FAM131C: variants seen among roughly 807,000 people sequenced by gnomAD.
The protein encoded by FAM131C is family with sequence similarity 131 member C.
In FAM131C, 14 loss-of-function variants were observed where a neutral mutation model predicts 29.8. That is an observed-to-expected ratio of 0.47 (90% CI 0.31 to 0.73). FAM131C has a LOEUF of 0.73. FAM131C is among the 30% of genes least tolerant of loss of function. The probability of loss-of-function intolerance (pLI) is 0.05; values close to 1 mark genes in which losing one functional copy is unlikely to be tolerated. For missense variants in FAM131C, 252 were observed against 383.8 expected, an observed-to-expected ratio of 0.66 and a Z score of 2.87; for synonymous variants, 86 against 157.8, an observed-to-expected ratio of 0.54 and a Z score of 3.41.
chr1:16,068,316 G>T (rs554362299), intron 1 of FAM131C, among the ~76,000 whole-genome samples: 61 of 152,352 alleles, frequency 4.0e-4, no homozygotes, highest in African/African-American at 1.5e-3. Context: ...ATTCTCATCT[G>T]TGAAATAATA....
At chr1:16,066,469 C>A (rs769271251) in intron 1 of FAM131C, among the ~76,000 whole-genome samples, 2 of 152,236 alleles carry the variant, frequency 1.3e-5, no homozygotes, top group South Asian at 4.1e-4. Flanking sequence ...TGCTGTGTGA[C>A]CCTGAGCTAG....
At position 16,073,403 on chromosome 1, in the gene FAM131C, C is replaced by G; in HGVS notation, c.22+18G>C. Reference sequence around the variant, plus strand: ...TCCCCGGCACCCGATCCCCCCGCCCCCGGCCGGGCCCCCTCACCTCGCGAC... The same window carrying G: ...TCCCCGGCACCCGATCCCCCCGCCCGCGGCCGGGCCCCCTCACCTCGCGAC... On this transcript the variant is annotated intron_variant, in intron 1 of 6. Transcript: ENST00000375662. 8.3e-7 allele frequency: 1 copy of G among 1,207,490 alleles called. No homozygotes were observed. Among genetic ancestry groups the G allele is most frequent in the Non-Finnish European group, 1.0e-6 (1 of 970,324 alleles). The allele number at this position is 1,207,490 out of a possible 1,614,324, so 74.8% of individuals were successfully genotyped here. A position where few individuals can be genotyped will look rare whatever the true frequency, so the allele number is the denominator to read the frequency against.
At chr1:16,066,814 A>C (rs1182473610) in intron 1 of FAM131C, among the ~76,000 whole-genome samples, 3 of 152,214 alleles carry the variant, frequency 2.0e-5, no homozygotes, top group Admixed American at 2.0e-4. Flanking sequence ...CAGTCAAAAA[A>C]GTTTGCAAGT....
chr1:16,063,535 A>G lies in FAM131C; in HGVS notation c.124T>C (p.Cys42Arg), dbSNP rs747298448. Residue 42 changes from cysteine to arginine, a missense_variant, in exon 2 of 7, where the codon TGT becomes CGT. Physicochemically the swap from Cys to Arg is radical, Grantham distance 180. Around this residue, in one of 6 missense-constraint regions of FAM131C, gnomAD observed 76 missense variants for 62.8 expected, o/e 1.21. Coordinates refer to ENST00000375662, the MANE Select transcript of FAM131C (RefSeq NM_182623.3). ...CAGCCAGTTACCTTGCCAATGACAC[A>G]GTCTGGAGCCACGGTGGGAGTGCGG... ...SGRTPTVAPD[C>R]VIGKDKQMDF... The G allele has an allele frequency of 5.0e-6, 8 of 1,613,560 alleles. No homozygotes were observed. The highest frequency in any genetic ancestry group is 2.2e-5 in the East Asian group (1 of 44,884).
intron 2 of FAM131C, among the ~76,000 whole-genome samples, chr1:16,063,149 AAT>A (rs900071307): frequency 4.2e-5 from 6 of 143,854 alleles, no homozygotes; most frequent in African/African-American, 8.1e-5. Context: ...AATTATATAT[AAT>A]ATATATAAGT....
intron 4 of FAM131C, 61 bp downstream of exon 4, chr1:16,062,038 C>A (rs1270201126): frequency 1.4e-5 from 22 of 1,531,816 alleles, no homozygotes; most frequent in African/African-American, 4.0e-5. Flanking sequence ...CTTCCCACAG[C>A]CAGGGTCTAG....
intron 1 of FAM131C, among the ~76,000 whole-genome samples, chr1:16,069,261 T>G (rs2023720677): frequency 6.6e-6 from 1 of 152,088 alleles, no homozygotes; most frequent in African/African-American, 2.4e-5. Context: ...GCCTCCCCCA[T>G]TAGGCTACTC....
intron 1 of FAM131C, among the ~76,000 whole-genome samples, chr1:16,069,372 T>G (rs930671891): frequency 2.6e-5 from 4 of 152,208 alleles, no homozygotes; most frequent in African/African-American, 9.7e-5. Flanking sequence ...GCTCAGGACT[T>G]GGAAACTATG....
In FAM131C at chr1:16,058,506, G is replaced by C. The variant is rs867260430; in HGVS notation, c.774C>G (p.His258Gln). The change falls in exon 7 of 7, where the codon CAC becomes CAG. Residue 258 changes from histidine (H) to glutamine (Q), a missense_variant. Physicochemically the swap from His to Gln is conservative, Grantham distance 24 (BLOSUM62 0). Around this residue, in one of 6 missense-constraint regions of FAM131C, gnomAD observed 42 missense variants for 51.7 expected, o/e 0.81. Coordinates refer to ENST00000375662, the MANE Select transcript of FAM131C (RefSeq NM_182623.3). ...CCATGGAGGGGAGGGAGCCCGGGGG[G>C]TGGGTCCCACCCTCGGGTCCTTGGG... ...PGAQGPEGGT[H>Q]PPGSLPSMDS... The C allele has an allele frequency of 4.6e-6, 7 of 1,513,154 alleles. No homozygotes were observed. The highest frequency in any genetic ancestry group is 4.9e-5 in the East Asian group (2 of 40,782). The allele number at this position is 1,513,154 out of a possible 1,614,324, so 93.7% of individuals were successfully genotyped here.
At chr1:16,073,277 C>G in intron 1 of FAM131C, 144 bp downstream of exon 1, 1 of 387,518 alleles carries the variant, frequency 2.6e-6, no homozygotes, top group Non-Finnish European at 4.3e-6. Flanking sequence ...CTAGCTCTGT[C>G]CCCCTCAGGA....
rs370456623 is a variant in FAM131C at position 16,059,232 on chromosome 1, T to C, written c.562+262A>G. On this transcript the variant is annotated intron_variant, in intron 6 of 6. Transcript: ENST00000375662. ...CCACTCCCTAGGGCTGCTGTGAGGA[T>C]TCTGTGAGGTGCCTCGTGCACAGCC... Among the ~76,000 whole-genome samples, 634 of 80,136 alleles carry C rather than the reference T, an allele frequency of 7.9e-3. 2 individuals carry two copies. The highest frequency in any genetic ancestry group is 0.074 in the Middle Eastern group (9 of 122). 52.6% of individuals were successfully genotyped at this position (80,136 alleles called of 152,430 possible).
chr1:16,071,459 G>A (rs543839246), intron 1 of FAM131C, among the ~76,000 whole-genome samples: 18 of 152,270 alleles, frequency 1.2e-4, no homozygotes, highest in African/African-American at 3.6e-4. Context: ...GTATGCACTC[G>A]GAGAGCATCA....
Position 16,059,874 on chromosome 1 carries a change from G to A in FAM131C, c.446C>T (p.Ala149Val). Residue 149 changes from alanine (A) to valine (V), a missense_variant, in exon 5 of 7, where the codon GCT (alanine) becomes GTT (valine). Physicochemically the swap from Ala to Val is moderately conservative, Grantham distance 64. Transcript: ENST00000375662. ...LPDELREARF[A>V]AGVAEQFAIT... ...CAGTCCCCCTCCTCGCTGACCTGCA[G>A]CAAAGCGGGCCTCACGCAGCTCATC... The A allele has an allele frequency of 1.6e-6, 2 of 1,212,380 alleles. No individual in the cohort carries two copies. The highest frequency in any genetic ancestry group is 2.1e-6 in the Non-Finnish European group (2 of 953,536). 75.1% of individuals were successfully genotyped at this position (1,212,380 alleles called of 1,614,324 possible).
intron 2 of FAM131C, 110 bp downstream of exon 2, chr1:16,063,411 C>T (rs1289670563): frequency 1.8e-5 from 15 of 833,618 alleles, no homozygotes; most frequent in South Asian, 5.9e-5. Context: ...CAGGGAGAAG[C>T]GGGTTTGGCA....
chr1:16,060,569 G>C (rs1395362775), intron 4 of FAM131C, among the ~76,000 whole-genome samples: 3 of 151,582 alleles, frequency 2.0e-5, no homozygotes, highest in Middle Eastern at 3.2e-3. Flanking sequence ...AAGGCTTCCT[G>C]GAAGAGGGGA....
At chr1:16,068,130 A>G (rs1010127564) in intron 1 of FAM131C, among the ~76,000 whole-genome samples, 7 of 152,328 alleles carry the variant, frequency 4.6e-5, no homozygotes, top group Admixed American at 3.3e-4. Context: ...CCTCTAGCCA[A>G]CCATTGCCCG....
chr1:16,066,619 AAATAGAATGG>A (rs2124132538), intron 1 of FAM131C, among the ~76,000 whole-genome samples: 1 of 152,320 alleles, frequency 6.6e-6, no homozygotes, highest in South Asian at 2.1e-4. Flanking sequence ...TATTTTAATG[AAATAGAATGG>A]AATAGAATGG....
chr1:16,073,161 C>A (rs2023774430), intron 1 of FAM131C, among the ~76,000 whole-genome samples: 1 of 152,070 alleles, frequency 6.6e-6, no homozygotes, highest in African/African-American at 2.4e-5. Flanking sequence ...GAGCGCGGCA[C>A]GGCACGGGAC....
chr1:16,073,594 G>A lies in FAM131C; in HGVS notation c.-152C>T, dbSNP rs1371731899. 2 of 265,238 alleles carry A rather than the reference G, an allele frequency of 7.5e-6. No homozygotes were observed. Among genetic ancestry groups the A allele is most frequent in the African/African-American group, 4.6e-5 (2 of 43,910 alleles). 16.4% of individuals were successfully genotyped at this position (265,238 alleles called of 1,614,324 possible). Reference sequence around the variant, plus strand: ...CTCAGCTCGGCCTCAGCTCCAGCCTGGGTCGTCCCTGCTGCCGCCGCGCCC... The same window carrying A: ...CTCAGCTCGGCCTCAGCTCCAGCCTAGGTCGTCCCTGCTGCCGCCGCGCCC... On this transcript the variant is annotated 5_prime_UTR_variant, in exon 1 of 7. Coordinates refer to ENST00000375662, the MANE Select transcript of FAM131C (RefSeq NM_182623.3).
Sources: gnomAD v4.1 joint callset for allele counts (sites outside exome capture counted in the v4.1 genomes callset) on GRCh38, gnomAD v4.1.1 for gene constraint, gnomAD v4.1.1 regional missense constraint, MANE v1.5 for transcripts, NCBI Gene and HGNC (gene_info 2026-07-23, HGNC 2026-07-21) for gene names.